Variants in GON4L observed in about 807,000 individuals in gnomAD.
GON4L encodes gon-4 like.
A neutral mutation model predicts 211.8 loss-of-function variants in GON4L; 87 were observed. The ratio of observed to expected loss-of-function variants is 0.41; its 90% CI spans 0.35 to 0.49. The LOEUF is 0.49. Among genes scored for constraint, GON4L ranks in the 20% least tolerant of loss-of-function variants. The probability of loss-of-function intolerance (pLI) is 0.15; values close to 1 mark genes in which losing one functional copy is unlikely to be tolerated. For missense variants in GON4L, 2,155 were observed against 2,659.5 expected (o/e 0.81, Z 4.17); for synonymous variants, 875 against 962.6 (o/e 0.91, Z 1.68).
At chr1:155,844,132 C>A (rs143252751) in intron 2 of GON4L, among the ~76,000 whole-genome samples, 12 of 152,298 alleles carry the variant, frequency 7.9e-5, no homozygotes, top group East Asian at 7.7e-4. Flanking sequence ...GGGGTGGTGG[C>A]CCCTTGGCAG....
intron 2 of GON4L, among the ~76,000 whole-genome samples, chr1:155,839,034 TAGG>T (rs1410221452): frequency 2.0e-5 from 3 of 152,062 alleles, no homozygotes; most frequent in Non-Finnish European, 4.4e-5. Context: ...TCTTCCTTCT[TAGG>T]TTTATATAAA....
At chr1:155,835,591 G>A (rs187592439) in intron 2 of GON4L, among the ~76,000 whole-genome samples, 8 of 152,028 alleles carry the variant, frequency 5.3e-5, no homozygotes, top group East Asian at 3.9e-4. Context: ...TGGGATTTTC[G>A]TCATTTGGTA....
At chr1:155,809,579 A>C (rs1390400296) in intron 10 of GON4L, among the ~76,000 whole-genome samples, 3 of 139,750 alleles carry the variant, frequency 2.1e-5, no homozygotes, top group Admixed American at 7.6e-5. Flanking sequence ...ATATACTTAT[A>C]AATTATATAC....
intron 14 of GON4L, among the ~76,000 whole-genome samples, chr1:155,780,428 T>C (rs1042507315): frequency 2.6e-5 from 4 of 151,638 alleles, no homozygotes; most frequent in African/African-American, 4.8e-5. Context: ...CCTGTCTCTA[T>C]GAAAAAATAC....
chr1:155,747,545 C>G, downstream of GON4L: 1 of 1,614,030 alleles, frequency 6.2e-7, no homozygotes, highest in Non-Finnish European at 8.5e-7. Context: ...AGTCTTGGAT[C>G]GTGTTTACTT....
Position 155,762,203 on chromosome 1 carries a change from G to A in GON4L, c.4898C>T (p.Ala1633Val), listed in dbSNP as rs567438513. ...REQKDLAFAQ[A>V]YLTRVREALQ... ...GCATTTGCCTACCCTGGTCAGATAA[G>A]CTTGGGCAAAGGCCAAGTCCTTCTG... Residue 1633 changes from alanine to valine, a missense_variant, in exon 23 of 32, where the codon GCT (alanine) becomes GTT (valine). Ala to Val is a moderately conservative substitution (Grantham distance 64, BLOSUM62 0). This residue lies in a region of GON4L where 455 missense variants were observed against 504.6 expected (regional missense o/e 0.90). Coordinates refer to ENST00000368331, the MANE Select transcript of GON4L (RefSeq NM_001282860.2). 11 of 1,607,088 alleles carry A rather than the reference G, an allele frequency of 6.8e-6. No homozygotes were observed. The East Asian group carries it at 1.6e-4, about 23-fold the overall frequency.
intron 14 of GON4L, among the ~76,000 whole-genome samples, chr1:155,779,566 C>A (rs1037760002): frequency 6.6e-6 from 1 of 152,050 alleles, no homozygotes; most frequent in Non-Finnish European, 1.5e-5. Flanking sequence ...CCACCTGCCT[C>A]GGCCTCCCAA....
intron 10 of GON4L, among the ~76,000 whole-genome samples, chr1:155,811,057 A>G (rs1390161203): frequency 1.3e-5 from 2 of 152,100 alleles, no homozygotes; most frequent in Admixed American, 6.6e-5. Context: ...TTAGAATTAC[A>G]AAGTCATCAT....
At chr1:155,827,881 C>A (rs1479973986) in intron 2 of GON4L, among the ~76,000 whole-genome samples, 2 of 152,080 alleles carry the variant, frequency 1.3e-5, no homozygotes, top group East Asian at 1.9e-4. Context: ...AGGTGGCTCA[C>A]ACCTGTAATC....
At chr1:155,800,553 C>G (rs1278694297) in intron 11 of GON4L, among the ~76,000 whole-genome samples, 1 of 145,194 alleles carries the variant, frequency 6.9e-6, no homozygotes, top group Non-Finnish European at 1.5e-5. Flanking sequence ...GTGAAACTCT[C>G]TCAAAAAAAA....
intron 14 of GON4L, among the ~76,000 whole-genome samples, chr1:155,781,532 G>T (rs1355741669): frequency 6.6e-6 from 1 of 151,792 alleles, no homozygotes; most frequent in African/African-American, 2.4e-5. Context: ...GCATGATCTT[G>T]GCTCATTGCA....
intron 13 of GON4L, 156 bp from the exon 14 acceptor site, chr1:155,784,245 C>T: frequency 1.0e-6 from 1 of 983,796 alleles, no homozygotes; most frequent in African/African-American, 1.6e-5. Flanking sequence ...TTCAGGATTC[C>T]CACAAACCCA....
intron 12 of GON4L, among the ~76,000 whole-genome samples, chr1:155,791,476 T>C (rs1665547787): frequency 6.7e-6 from 1 of 149,974 alleles, no homozygotes. Context: ...GAAACTTTCC[T>C]ATGTTTTGCA....
chr1:155,760,557 G>A lies in GON4L; in HGVS notation c.4996C>T (p.Arg1666Trp), dbSNP rs547941005. The A allele has an allele frequency of 7.4e-6, 12 of 1,612,088 alleles. No individual in the cohort carries two copies. Among genetic ancestry groups the A allele is most frequent in the Admixed American group, 3.3e-5 (2 of 59,988 alleles). The part of the protein sequence containing the change: ...IYEFESSTQR[R>W]TAVDLYKSLQ... ...CTTTTGTAGAGATCTACAGCCGTCC[G>A]TCTCTGGGTACTTGACTCAAATTCA... The change falls in exon 24 of 32, where the codon CGG (arginine) becomes TGG (tryptophan). Residue 1666 changes from arginine (R) to tryptophan (W), a missense_variant. Physicochemically the swap from Arg to Trp is moderately radical, Grantham distance 101. Coordinates refer to ENST00000368331, the MANE Select transcript of GON4L (RefSeq NM_001282860.2).
intron 19 of GON4L, among the ~76,000 whole-genome samples, chr1:155,768,140 C>A: frequency 6.6e-6 from 1 of 151,482 alleles, no homozygotes; most frequent in African/African-American, 2.4e-5. Context: ...CCTATTCCTA[C>A]AAAAATACAA....
At position 155,826,987 on chromosome 1, in the gene GON4L, G is replaced by A. The variant is rs1669271669; in HGVS notation, c.547C>T (p.Pro183Ser). 1 of 1,613,830 alleles carries A rather than the reference G, an allele frequency of 6.2e-7. No homozygotes were observed. The highest frequency in any genetic ancestry group is 1.3e-5 in the African/African-American group (1 of 74,924). Reference sequence around the variant, plus strand: ...GGTTTTGCAGATTGGCTGCCTGATGGCAGGGAAGGTATCTCCCCTTCAGAA... The same window carrying A: ...GGTTTTGCAGATTGGCTGCCTGATGACAGGGAAGGTATCTCCCCTTCAGAA... ...MNSEGEIPSL[P>S]SGSQSAKPVS... The change falls in exon 3 of 32, where the codon CCA becomes TCA. Residue 183 changes from proline to serine, a missense_variant. By Grantham distance (74) the Pro-to-Ser change is moderately conservative (BLOSUM62 -1). This residue lies in a region of GON4L where 313 missense variants were observed against 293.2 expected (regional missense o/e 1.07). Coordinates refer to ENST00000368331, the MANE Select transcript of GON4L (RefSeq NM_001282860.2).
rs1476486400 is a variant in GON4L at position 155,780,064 on chromosome 1, G to T, written c.1893-2244C>A. 2.0e-5 allele frequency among the ~76,000 whole-genome samples: 3 copies of T among 151,966 alleles called. No homozygotes were observed. The East Asian group carries it at 5.9e-4, about 30-fold the overall frequency. On this transcript the variant is annotated intron_variant, in intron 14 of 31. Coordinates refer to ENST00000368331, the MANE Select transcript of GON4L (RefSeq NM_001282860.2). ...TCCACCTGCCTTGGCCTCCCAAATTGCTGGGATTACAGGCGTGAGCCACTG... is the reference window on the plus strand; with the variant it reads ...TCCACCTGCCTTGGCCTCCCAAATTTCTGGGATTACAGGCGTGAGCCACTG...
intron 11 of GON4L, among the ~76,000 whole-genome samples, chr1:155,799,744 T>G (rs954449704): frequency 1.3e-5 from 2 of 152,176 alleles, no homozygotes; most frequent in Non-Finnish European, 1.5e-5. Context: ...ATCCTGAAAG[T>G]CAGTTCTGCC....
chr1:155,757,350 GA>G (rs772198791), intron 25 of GON4L, 27 bp from the exon 26 acceptor site: 2 of 1,608,792 alleles, frequency 1.2e-6, no homozygotes, highest in South Asian at 2.2e-5. Context: ...AGGGAAAGAG[GA>G]AGTCTCCAGA....
Sources: allele counts gnomAD v4.1 joint callset (sites outside exome capture counted in the v4.1 genomes callset), GRCh38; gene constraint gnomAD v4.1.1; regional missense constraint gnomAD v4.1.1; transcripts MANE v1.5; gene names NCBI Gene and HGNC (gene_info 2026-07-23, HGNC 2026-07-21).